The following TTC27 variants were observed in gnomAD, a reference collection of about 807,000 sequenced individuals.
TTC27 encodes the protein tetratricopeptide repeat domain 27.
TTC27 carries 79 observed loss-of-function variants against 115.9 expected under a neutral mutation model. The observed-to-expected ratio is 0.68, with a 90% CI of 0.57 to 0.82. The LOEUF is 0.82. Among genes scored for constraint, TTC27 ranks in the 40% least tolerant of loss-of-function variants. The pLI is 0.00. For missense variants in TTC27, 1,054 were observed against 993.1 expected, an observed-to-expected ratio of 1.06 and a Z score of -0.82; for synonymous variants, 401 against 356.0, an observed-to-expected ratio of 1.13 and a Z score of -1.42.
intron 19 of TTC27, among the ~76,000 whole-genome samples, chr2:32,819,018 T>A (rs371516600): frequency 6.6e-6 from 1 of 151,936 alleles, no homozygotes; most frequent in African/African-American, 2.4e-5. Context: ...AGCAGCAGGG[T>A]TTTTTCCTGT....
chr2:32,663,446 T>C (rs1023962815), intron 5 of TTC27, among the ~76,000 whole-genome samples: 1 of 152,176 alleles, frequency 6.6e-6, no homozygotes, highest in Non-Finnish European at 1.5e-5. Context: ...CCCCTTGTGC[T>C]TCCCGGGTGA....
intron 16 of TTC27, among the ~76,000 whole-genome samples, chr2:32,792,834 G>A (rs527385995): frequency 6.7e-4 from 102 of 152,322 alleles, no homozygotes; most frequent in African/African-American, 2.4e-3. Context: ...GTTGGGAAAC[G>A]AATAGTTAAT....
chr2:32,719,613 G>C (rs917760776), intron 10 of TTC27, among the ~76,000 whole-genome samples: 1 of 152,136 alleles, frequency 6.6e-6, no homozygotes, highest in Non-Finnish European at 1.5e-5. Context: ...GAATAATTAA[G>C]GAAGTGTGTG....
At chr2:32,745,593 T>C (rs766708708) in intron 12 of TTC27, among the ~76,000 whole-genome samples, 1 of 151,704 alleles carries the variant, frequency 6.6e-6, no homozygotes, top group Non-Finnish European at 1.5e-5. Flanking sequence ...ATGACCTAAA[T>C]CTGAAGTTGC....
At position 32,787,794 on chromosome 2, in the gene TTC27, G is replaced by A. The variant is rs547812521; in HGVS notation, c.1998+645G>A. On this transcript the variant is annotated intron_variant, in intron 16 of 19. Coordinates refer to ENST00000317907, the MANE Select transcript of TTC27 (RefSeq NM_017735.5). ...ACTGCACTCCAGCCTGGGTGACAGA[G>A]CAAAACTCTGTCTCTAAATAAATAA... Among the ~76,000 whole-genome samples, 5 of 151,062 alleles carry A rather than the reference G, an allele frequency of 3.3e-5. No individual in the cohort carries two copies. In the South Asian group the frequency reaches 6.3e-4, roughly 19 times the overall value.
Position 32,640,374 on chromosome 2 carries a change from C to A in TTC27, c.501C>A (p.Ile167=). Residue 167 remains isoleucine, a synonymous_variant, in exon 4 of 20, where the codon ATC becomes ATA. Transcript: ENST00000317907. ...TACTACTGTTATTAGCACGCATTAT[C>A]CTAGTGAATGTAAGACATAAACTGA... ...KPILLLLARI[I]LVNVRHKLTA... 6.2e-7 allele frequency: 1 copy of A among 1,613,906 alleles called. No individual in the cohort carries two copies. The highest frequency in any genetic ancestry group is 8.5e-7 in the Non-Finnish European group (1 of 1,179,970).
chr2:32,704,884 C>A (rs945217066), intron 10 of TTC27: 2 of 471,094 alleles, frequency 4.2e-6, no homozygotes, highest in African/African-American at 4.0e-5. Flanking sequence ...TTCACTTATC[C>A]TGTCACTGGG....
Position 32,699,063 on chromosome 2 carries a change from T to A in TTC27, c.1120-3744T>A, listed in dbSNP as rs559137060. Among the ~76,000 whole-genome samples the A allele has an allele frequency of 5.9e-5, 9 of 152,156 alleles. No homozygotes were observed. The East Asian group carries it at 1.5e-3, about 26-fold the overall frequency. On this transcript the variant is annotated intron_variant, in intron 9 of 19. Transcript: ENST00000317907. ...GAAGAACCACCTTTGTATGCCCTTG[T>A]CCCTTTGTAAAAGAAGACAGAAGAA...
At position 32,799,779 on chromosome 2, in the gene TTC27, T is replaced by G. The variant is rs917828366; in HGVS notation, c.1999-11245T>G. Among the ~76,000 whole-genome samples, 3 of 152,280 alleles carry G rather than the reference T, an allele frequency of 2.0e-5. No individual in the cohort carries two copies. In the East Asian group the frequency reaches 5.8e-4, roughly 29 times the overall value. On this transcript the variant is annotated intron_variant, in intron 16 of 19. Coordinates refer to ENST00000317907, the MANE Select transcript of TTC27 (RefSeq NM_017735.5). ...AACAGATTCAAGTAGGAATGAGAAT[T>G]TAATACGTAATAATGATGGCATTTT...
chr2:32,673,125 G>T (rs1031426563), intron 8 of TTC27, among the ~76,000 whole-genome samples: 1 of 150,056 alleles, frequency 6.7e-6, no homozygotes, highest in Non-Finnish European at 1.5e-5. Flanking sequence ...TGACTTGCAT[G>T]ATCTTGACAC....
In TTC27 at chr2:32,701,040, A is replaced by C. The variant is rs192727844; in HGVS notation, c.1120-1767A>C. ...GGTTATGCATTAAATCTTGTAAACT[A>C]TTTCAAGGGGATGAAAATATTTTAA... On this transcript the variant is annotated intron_variant, in intron 9 of 19. Coordinates refer to ENST00000317907, the MANE Select transcript of TTC27 (RefSeq NM_017735.5). Among the ~76,000 whole-genome samples, 8 of 152,282 alleles carry C rather than the reference A, an allele frequency of 5.3e-5. No individual in the cohort carries two copies. In the East Asian group the frequency reaches 1.5e-3, roughly 29 times the overall value.
intron 15 of TTC27, among the ~76,000 whole-genome samples, chr2:32,785,467 C>G (rs1216089278): frequency 6.6e-6 from 1 of 151,344 alleles, no homozygotes; most frequent in East Asian, 2.1e-4. Flanking sequence ...ACCTCTCATT[C>G]TTTCCTCTCT....
chr2:32,746,790 G>A (rs1480407425), intron 12 of TTC27, among the ~76,000 whole-genome samples: 1 of 152,076 alleles, frequency 6.6e-6, no homozygotes, highest in East Asian at 1.9e-4. Flanking sequence ...GAGTGGATAA[G>A]TGGAGGAAGA....
intron 10 of TTC27, among the ~76,000 whole-genome samples, chr2:32,713,977 T>C (rs1394500570): frequency 6.6e-6 from 1 of 152,146 alleles, no homozygotes; most frequent in Non-Finnish European, 1.5e-5. Flanking sequence ...TATCCATGTG[T>C]ATCCAACATT....
At position 32,628,219 on chromosome 2, in the gene TTC27, G is replaced by C. The variant is rs1387532320; in HGVS notation, c.-74G>C. On this transcript the variant is annotated 5_prime_UTR_variant, in exon 1 of 20. Coordinates refer to ENST00000317907, the MANE Select transcript of TTC27 (RefSeq NM_017735.5). ...GATTTCAGCGCCTTTGGACTCTCCT[G>C]TTTTCACTTTCTTTTGTTGACTCCC... The C allele has an allele frequency of 6.9e-7, 1 of 1,445,146 alleles. No individual in the cohort carries two copies. Among genetic ancestry groups the C allele is most frequent in the Non-Finnish European group, 9.5e-7 (1 of 1,047,204 alleles). 89.5% of individuals were successfully genotyped at this position (1,445,146 alleles called of 1,614,324 possible). A position where few individuals can be genotyped will look rare whatever the true frequency, so the allele number is the denominator to read the frequency against.
chr2:32,676,044 A>C (rs2151886410), intron 8 of TTC27, among the ~76,000 whole-genome samples: 1 of 152,154 alleles, frequency 6.6e-6, no homozygotes, highest in South Asian at 2.1e-4. Context: ...TACCCGCCTC[A>C]GCCTCCCAAA....
intron 9 of TTC27, among the ~76,000 whole-genome samples, chr2:32,693,269 C>T (rs1401190100): frequency 6.6e-6 from 1 of 152,178 alleles, no homozygotes; most frequent in Non-Finnish European, 1.5e-5. Flanking sequence ...GGGAGGACTT[C>T]TGTTGTCAGA....
rs1330007097 is a variant in TTC27 at position 32,678,912 on chromosome 2, C to A, written c.1109C>A (p.Ala370Glu). 6.2e-7 allele frequency: 1 copy of A among 1,612,900 alleles called. No individual in the cohort carries two copies. Residue 370 changes from alanine to glutamate, a missense_variant, in exon 9 of 20, where the codon GCA (alanine) becomes GAA (glutamate). By Grantham distance (107) the Ala-to-Glu change is moderately radical. Transcript: ENST00000317907. Reference sequence around the variant, plus strand: ...ACATTAACTGAAGTGGAGCTTCTGGCATTTACATCAGTGAGTAATGTCTTT... The same window carrying A: ...ACATTAACTGAAGTGGAGCTTCTGGAATTTACATCAGTGAGTAATGTCTTT... ...VHTLTEVELL[A>E]FTSCLLSQPK...
At chr2:32,684,223 T>C (rs1666549487) in intron 9 of TTC27, among the ~76,000 whole-genome samples, 1 of 152,138 alleles carries the variant, frequency 6.6e-6, no homozygotes, top group Admixed American at 6.6e-5. Context: ...TGATTTCCAA[T>C]TTCATCCATG....
Sources: gnomAD v4.1 joint callset for allele counts (sites outside exome capture counted in the v4.1 genomes callset) on GRCh38, gnomAD v4.1.1 for gene constraint, MANE v1.5 for transcripts, NCBI Gene and HGNC (gene_info 2026-07-23, HGNC 2026-07-21) for gene names.